CFAP47: variants seen among roughly 807,000 people sequenced by gnomAD.
The protein encoded by CFAP47 is cilia and flagella associated protein 47, also known as cilia- and flagella-associated protein 47.
In CFAP47, 29 loss-of-function variants were observed where a neutral mutation model predicts 148.1. That is an observed-to-expected ratio of 0.20 (90% confidence interval 0.15 to 0.27). The LOEUF (loss-of-function observed/expected upper bound fraction) is 0.27. Among genes scored for constraint, CFAP47 ranks in the 10% least tolerant of loss-of-function variants. The probability of loss-of-function intolerance (pLI) is 1.00; values close to 1 mark genes in which losing one functional copy is unlikely to be tolerated. For missense variants in CFAP47, 1,872 were observed against 1,697.5 expected (o/e 1.10, Z -1.81); for synonymous variants, 664 against 577.3 (o/e 1.15, Z -2.15).
At chrX:36,293,137 A>G (rs1211392446) in intron 51 of CFAP47, among the ~76,000 whole-genome samples, 1 of 111,382 alleles carries the variant, frequency 9.0e-6, no homozygotes, top group Admixed American at 9.6e-5. Context: ...TGGAGCTACC[A>G]TTCTAGTGGA....
At chrX:36,254,110 A>G (rs782301166) in intron 49 of CFAP47, among the ~76,000 whole-genome samples, 6 of 112,080 alleles carry the variant, frequency 5.4e-5, no homozygotes, top group South Asian at 7.3e-4. Context: ...GCTTTGATAT[A>G]TCTAAAGTTT....
At chrX:36,331,067 A>T (rs1361853978) in intron 57 of CFAP47, among the ~76,000 whole-genome samples, 2 of 111,484 alleles carry the variant, frequency 1.8e-5, no homozygotes, top group Non-Finnish European at 3.8e-5. Flanking sequence ...GTACTTCTTT[A>T]CCACCAATTT....
intron 40 of CFAP47, among the ~76,000 whole-genome samples, chrX:36,181,265 A>G (rs1173160668): frequency 9.0e-6 from 1 of 111,590 alleles, no homozygotes; most frequent in Non-Finnish European, 1.9e-5. Flanking sequence ...GTTTTTCTTT[A>G]TATAATACTC....
chrX:36,165,295 A>G (rs747310199), intron 39 of CFAP47, among the ~76,000 whole-genome samples: 75 of 111,714 alleles, frequency 6.7e-4, no homozygotes, highest in African/African-American at 2.4e-3. Context: ...TTGTTTCTCT[A>G]TTAGTCCATG....
intron 45 of CFAP47, among the ~76,000 whole-genome samples, chrX:36,217,971 A>G (rs1940175263): frequency 8.9e-6 from 1 of 111,963 alleles, no homozygotes; most frequent in African/African-American, 3.2e-5. Flanking sequence ...ATGCTCTACA[A>G]TTATATATTT....
chrX:36,003,972 T>C (rs951588248), intron 21 of CFAP47, among the ~76,000 whole-genome samples: 13 of 90,993 alleles, frequency 1.4e-4, no homozygotes, highest in Admixed American at 2.4e-4. Context: ...TTTTTCTTTT[T>C]TTTTTTTTTT....
At chrX:36,085,249 G>GT (rs749961208) in intron 29 of CFAP47, 65 bp from the exon 30 acceptor site, 1,320 of 655,744 alleles carry the variant, frequency 2.0e-3, no homozygotes, top group Non-Finnish European at 2.5e-3. Context: ...AATTGAACAT[G>GT]TTTTTTTTTC....
At chrX:36,053,330 T>A (rs1248990021) in intron 26 of CFAP47, among the ~76,000 whole-genome samples, 1 of 111,513 alleles carries the variant, frequency 9.0e-6, no homozygotes, top group African/African-American at 3.3e-5. Flanking sequence ...ATGGTCCATC[T>A]CAAATTTTAG....
At chrX:36,267,714 A>G (rs1389647586) in intron 49 of CFAP47, among the ~76,000 whole-genome samples, 1 of 111,364 alleles carries the variant, frequency 9.0e-6, no homozygotes, top group Non-Finnish European at 1.9e-5. Context: ...TCCTGACCTC[A>G]TGATCCACCC....
chrX:36,130,030 A>T (rs967473079), intron 33 of CFAP47, among the ~76,000 whole-genome samples: 3 of 111,743 alleles, frequency 2.7e-5, no homozygotes, highest in Non-Finnish European at 5.7e-5. Context: ...GCAAAATCAC[A>T]GTAAGTTAGC....
intron 20 of CFAP47, among the ~76,000 whole-genome samples, chrX:36,001,268 T>A (rs1359380647): frequency 9.0e-6 from 1 of 111,613 alleles, no homozygotes; most frequent in Non-Finnish European, 1.9e-5. Context: ...TCAAAGGAGA[T>A]CTGACTCTTC....
chrX:36,067,395 C>T (rs1937657139), intron 27 of CFAP47, among the ~76,000 whole-genome samples: 1 of 111,666 alleles, frequency 9.0e-6, no homozygotes, highest in African/African-American at 3.3e-5. Flanking sequence ...ATAGTCCATA[C>T]AGGTGCCAAA....
intron 61 of CFAP47, among the ~76,000 whole-genome samples, 173 bp from the exon 62 acceptor site, chrX:36,366,793 A>G (rs1397309433): frequency 8.9e-6 from 1 of 112,152 alleles, no homozygotes; most frequent in Non-Finnish European, 1.9e-5. Context: ...CTCAAAAATT[A>G]TTTATGAAAT....
intron 13 of CFAP47, among the ~76,000 whole-genome samples, chrX:35,972,418 G>A (rs767303662): frequency 1.8e-5 from 2 of 110,539 alleles, no homozygotes; most frequent in East Asian, 5.7e-4. Context: ...TTTTAATTGA[G>A]ATGGGGTTTC....
intron 62 of CFAP47, among the ~76,000 whole-genome samples, chrX:36,369,928 T>A (rs1304895172): frequency 9.0e-6 from 1 of 111,375 alleles, no homozygotes; most frequent in African/African-American, 3.3e-5. Context: ...CTTGCCACAG[T>A]GGAGTATGCT....
At position 36,380,402 on chromosome X, in the gene CFAP47, A is replaced by G. The variant is rs371644360; in HGVS notation, c.9354+884A>G. 1.1e-4 allele frequency among the ~76,000 whole-genome samples: 12 copies of G among 112,932 alleles called. 1 individual carries two copies. In the East Asian group the frequency reaches 3.1e-3, roughly 29 times the overall value. The stretch of plus-strand genomic sequence containing the variant: ...AATCTAGGTAGTAAGAAGAAAAAGC[A>G]TTTGTTGACATTTTGCACCTACCTT... On this transcript the variant is annotated intron_variant, in intron 63 of 63. Transcript: ENST00000378653.
chrX:36,168,587 T>A (rs949500984), intron 39 of CFAP47, among the ~76,000 whole-genome samples: 2 of 111,846 alleles, frequency 1.8e-5, no homozygotes, highest in Admixed American at 1.9e-4. Flanking sequence ...TTTTTTGTCT[T>A]TTTCTTTTTC....
chrX:36,324,214 A>G (rs1270115695), intron 57 of CFAP47, among the ~76,000 whole-genome samples: 1 of 112,011 alleles, frequency 8.9e-6, no homozygotes, highest in Non-Finnish European at 1.9e-5. Context: ...GACTTGCAGT[A>G]TTCTTTTTTC....
At chrX:36,317,063 G>A (rs1569316177) in intron 56 of CFAP47, among the ~76,000 whole-genome samples, 1 of 111,959 alleles carries the variant, frequency 8.9e-6, no homozygotes, top group Non-Finnish European at 1.9e-5. Flanking sequence ...CTGGGCTTAT[G>A]AGCCACTGCG....
Sources: allele counts gnomAD v4.1 joint callset (sites outside exome capture counted in the v4.1 genomes callset), GRCh38; gene constraint gnomAD v4.1.1; transcripts MANE v1.5; gene names NCBI Gene and HGNC (gene_info 2026-07-23, HGNC 2026-07-21).